The following PTPRG variants were observed in gnomAD, a reference collection of about 807,000 sequenced individuals.
PTPRG encodes the protein receptor-type tyrosine-protein phosphatase gamma.
PTPRG carries 102 observed loss-of-function variants against 165.3 expected under a neutral mutation model. The observed-to-expected ratio is 0.62, with a 90% CI of 0.53 to 0.73. The LOEUF is 0.73. Ranked by LOEUF, PTPRG falls within the 30% of genes least tolerant of loss-of-function variation. The pLI, the probability that PTPRG is intolerant of heterozygous loss-of-function variation, is 0.00. For missense variants in PTPRG, 1,866 were observed against 1,861.4 expected (o/e 1.00, Z -0.05); for synonymous variants, 675 against 669.5 (o/e 1.01, Z -0.13).
chr3:61,778,750 G>C (rs1243861534), intron 2 of PTPRG, among the ~76,000 whole-genome samples: 1 of 152,084 alleles, frequency 6.6e-6, no homozygotes, highest in Admixed American at 6.6e-5. Context: ...AACAGCAGCA[G>C]GATTGATTTT....
chr3:62,065,006 A>G (rs905622018), intron 4 of PTPRG, among the ~76,000 whole-genome samples: 4 of 152,136 alleles, frequency 2.6e-5, no homozygotes, highest in African/African-American at 7.2e-5. Context: ...TGCTGAGATT[A>G]TAGGTGTGAG....
chr3:61,897,450 C>T (rs2038388342), intron 2 of PTPRG, among the ~76,000 whole-genome samples: 1 of 152,042 alleles, frequency 6.6e-6, no homozygotes, highest in African/African-American at 2.4e-5. Context: ...GATTGATGTC[C>T]CTATCTCTCC....
At chr3:61,590,427 G>C (rs1700540458) in intron 1 of PTPRG, among the ~76,000 whole-genome samples, 1 of 152,124 alleles carries the variant, frequency 6.6e-6, no homozygotes, top group Non-Finnish European at 1.5e-5. Context: ...GGGAGGCTGA[G>C]GCAGGAGAAT....
At chr3:61,848,405 A>T (rs999927874) in intron 2 of PTPRG, among the ~76,000 whole-genome samples, 1 of 152,172 alleles carries the variant, frequency 6.6e-6, no homozygotes, top group African/African-American at 2.4e-5. Context: ...TTGGCCCTGA[A>T]ATCCTCTGTT....
intron 13 of PTPRG, 126 bp from the exon 14 acceptor site, chr3:62,231,099 G>A: frequency 1.6e-6 from 1 of 615,390 alleles, no homozygotes; most frequent in Middle Eastern, 2.7e-4. Flanking sequence ...AAATGTCACA[G>A]ATGAGGCCTG....
chr3:61,633,342 A>T (rs1282354650), intron 1 of PTPRG, among the ~76,000 whole-genome samples: 1 of 152,188 alleles, frequency 6.6e-6, no homozygotes, highest in African/African-American at 2.4e-5. Flanking sequence ...AACCTGTAGT[A>T]GCTTAGGGTA....
At chr3:62,001,146 G>A (rs1012299716) in intron 3 of PTPRG, among the ~76,000 whole-genome samples, 14 of 152,158 alleles carry the variant, frequency 9.2e-5, no homozygotes, top group African/African-American at 3.1e-4. Context: ...GTGCTAGCTG[G>A]GGAAGTTCTC....
intron 5 of PTPRG, among the ~76,000 whole-genome samples, chr3:62,098,752 A>C (rs114902737): frequency 4.6e-5 from 7 of 152,194 alleles, no homozygotes; most frequent in African/African-American, 1.7e-4. Context: ...TGAATATTCT[A>C]GAAGACATGC....
chr3:61,654,986 C>T (rs566985963), intron 1 of PTPRG, among the ~76,000 whole-genome samples: 2 of 151,728 alleles, frequency 1.3e-5, no homozygotes, highest in East Asian at 2.0e-4. Flanking sequence ...GGGGTTTCAC[C>T]ATGTTGGCCA....
rs753697199 is a variant in PTPRG, at chr3:62,243,916, C to T, written c.2467+18C>T. 7.3e-7 allele frequency: 1 copy of T among 1,372,638 alleles called. No individual in the cohort carries two copies. The highest frequency in any genetic ancestry group is 1.9e-5 in the Admixed American group (1 of 53,918). The allele number at this position is 1,372,638 out of a possible 1,614,324, so 85.0% of individuals were successfully genotyped here. On this transcript the variant is annotated intron_variant, in intron 15 of 29. Transcript: ENST00000474889. ...TATTCCGGGTAAGTAAGACACTGCT[C>T]TTATTTCCAATGGGCTAATTGTTTT...
At chr3:61,871,123 A>ATGTTGTGTTGTGTTG (rs1559660022) in intron 2 of PTPRG, among the ~76,000 whole-genome samples, 1 of 110,810 alleles carries the variant, frequency 9.0e-6, no homozygotes, top group Admixed American at 8.6e-5. Context: ...ATGTTATGTT[A>ATGTTGTGTTGTGTTG]TGTTATGTTG....
chr3:62,064,619 G>A (rs1700945207), intron 4 of PTPRG, among the ~76,000 whole-genome samples: 1 of 151,280 alleles, frequency 6.6e-6, no homozygotes. Context: ...TGCAGCACTT[G>A]TGGCAAAGTA....
At chr3:61,878,524 C>G (rs546896860) in intron 2 of PTPRG, among the ~76,000 whole-genome samples, 4 of 152,168 alleles carry the variant, frequency 2.6e-5, no homozygotes, top group Admixed American at 2.0e-4. Flanking sequence ...GGTAGGGTAT[C>G]GCTCTGTCAC....
intron 2 of PTPRG, among the ~76,000 whole-genome samples, chr3:61,811,696 A>G (rs1305153924): frequency 1.3e-5 from 2 of 152,204 alleles, no homozygotes; most frequent in South Asian, 2.1e-4. Flanking sequence ...GACAATATGC[A>G]TTATTAGACT....
In PTPRG at chr3:62,269,018, CT is replaced by C. The variant is rs747961902; in HGVS notation, c.2875-11del. The C allele has an allele frequency of 2.6e-6, 4 of 1,535,588 alleles. No homozygotes were observed. The highest frequency in any genetic ancestry group is 3.5e-6 in the Non-Finnish European group (4 of 1,131,072). ...CATAGATTGCAGTTATACTTTACAA[CT>C]TTTTTCTTTCTGCAGCGAAAATGTG... On this transcript the variant is annotated splice_polypyrimidine_tract_variant and intron_variant, in intron 19 of 29. Coordinates refer to ENST00000474889, the MANE Select transcript of PTPRG (RefSeq NM_002841.4).
intron 1 of PTPRG, among the ~76,000 whole-genome samples, chr3:61,640,494 G>C: frequency 6.6e-6 from 1 of 152,084 alleles, no homozygotes; most frequent in Non-Finnish European, 1.5e-5. Context: ...GGTGCTTTTT[G>C]CACATTACCA....
intron 1 of PTPRG, among the ~76,000 whole-genome samples, chr3:61,673,532 A>G (rs1703107803): frequency 1.3e-5 from 2 of 152,108 alleles, no homozygotes; most frequent in South Asian, 4.1e-4. Flanking sequence ...CTGAGTACAA[A>G]TTTATTTCTA....
intron 4 of PTPRG, among the ~76,000 whole-genome samples, chr3:62,058,538 T>C (rs543461953): frequency 8.3e-4 from 126 of 152,120 alleles, no homozygotes; most frequent in African/African-American, 2.9e-3. Context: ...ATACACACCT[T>C]TTTGTTGGGA....
chr3:61,724,217 CAA>C (rs1260061643), intron 1 of PTPRG, among the ~76,000 whole-genome samples: 1 of 128,754 alleles, frequency 7.8e-6, no homozygotes, highest in Non-Finnish European at 1.6e-5. Flanking sequence ...CTCCCATCTC[CAA>C]AAAAAAAAAA....
Sources: gnomAD v4.1 joint callset for allele counts (sites outside exome capture counted in the v4.1 genomes callset) on GRCh38, gnomAD v4.1.1 for gene constraint, MANE v1.5 for transcripts, NCBI Gene and HGNC (gene_info 2026-07-23, HGNC 2026-07-21) for gene names.